The following INPP5B variants were observed in gnomAD, a reference collection of about 807,000 sequenced individuals.
INPP5B encodes the protein inositol polyphosphate-5-phosphatase B, also known as type II inositol 1,4,5-trisphosphate 5-phosphatase.
In INPP5B, 90 loss-of-function variants were observed where a neutral mutation model predicts 118.5. That is an observed-to-expected ratio of 0.76 (90% CI 0.64 to 0.90). The LOEUF (loss-of-function observed/expected upper bound fraction) is 0.90. Among genes scored for constraint, INPP5B ranks in the 40% least tolerant of loss-of-function variants. The pLI, the probability that INPP5B is intolerant of heterozygous loss-of-function variation, is 0.00. For missense variants in INPP5B, 984 were observed against 1,125.6 expected (o/e 0.87, Z 1.80); for synonymous variants, 385 against 418.9 (o/e 0.92, Z 0.99).
intron 7 of INPP5B, among the ~76,000 whole-genome samples, chr1:37,905,825 G>A (rs894277959): frequency 3.3e-5 from 5 of 152,184 alleles, no homozygotes; most frequent in African/African-American, 1.2e-4. Flanking sequence ...GAAGACTAAA[G>A]TAATCTTTTT....
intron 7 of INPP5B, among the ~76,000 whole-genome samples, chr1:37,896,706 C>A (rs1447297402): frequency 7.2e-6 from 1 of 139,550 alleles, no homozygotes; most frequent in Non-Finnish European, 1.6e-5. Context: ...CGGCCAGCCG[C>A]CCCGTCCGGG....
In INPP5B at chr1:37,875,696, C is replaced by T. The variant is rs1326065483; in HGVS notation, c.1698G>A (p.Glu566=). 2.5e-6 allele frequency: 4 copies of T among 1,613,824 alleles called. No homozygotes were observed. The highest frequency in any genetic ancestry group is 3.4e-6 in the Non-Finnish European group (4 of 1,179,814). ...TTTCCTCCAGTGTCTTCCGGTAAAGCTCGTCATTTACGACCCTCACCTGAA... is the reference window on the plus strand; with the variant it reads ...TTTCCTCCAGTGTCTTCCGGTAAAGTTCGTCATTTACGACCCTCACCTGAA... ...FDIGVRVVND[E]LYRKTLEEIV... Residue 566 remains glutamate (E), a synonymous_variant, in exon 17 of 24, where the codon GAG becomes GAA. Coordinates refer to ENST00000373024, the MANE Select transcript of INPP5B (RefSeq NM_005540.3).
intron 7 of INPP5B, among the ~76,000 whole-genome samples, chr1:37,922,995 A>G (rs1212281318): frequency 6.6e-6 from 1 of 152,142 alleles, no homozygotes; most frequent in Non-Finnish European, 1.5e-5. Context: ...TGGTCTGGTG[A>G]TAAAGCTAAA....
chr1:37,926,422 T>C (rs1016406583), intron 7 of INPP5B, among the ~76,000 whole-genome samples: 5 of 152,118 alleles, frequency 3.3e-5, no homozygotes, highest in African/African-American at 1.2e-4. Flanking sequence ...GTAGCTGGGA[T>C]ACAGGCGCAC....
At position 37,934,083 on chromosome 1, in the gene INPP5B, G is replaced by A. The variant is rs972974894; in HGVS notation, c.392-2030C>T. On this transcript the variant is annotated intron_variant, in intron 6 of 23. Coordinates refer to ENST00000373024, the MANE Select transcript of INPP5B (RefSeq NM_005540.3). ...TGAGTAGCTGGGATTACAGGCACACGGCACCACGCCTGGCTAATTTTTGTA... is the reference window on the plus strand; with the variant it reads ...TGAGTAGCTGGGATTACAGGCACACAGCACCACGCCTGGCTAATTTTTGTA... Among the ~76,000 whole-genome samples, 6 of 151,920 alleles carry A rather than the reference G, an allele frequency of 3.9e-5. No homozygotes were observed. In the East Asian group the frequency reaches 5.8e-4, roughly 15 times the overall value.
chr1:37,939,665 G>T (rs925518030), intron 6 of INPP5B, among the ~76,000 whole-genome samples: 2 of 151,754 alleles, frequency 1.3e-5, no homozygotes, highest in Non-Finnish European at 2.9e-5. Flanking sequence ...GGATGATCTC[G>T]ATCTCCTGAC....
At chr1:37,931,539 C>T (rs1645458358) in intron 7 of INPP5B, 3 of 1,536,640 alleles carry the variant, frequency 2.0e-6, no homozygotes, top group Non-Finnish European at 2.6e-6. Flanking sequence ...TCCCAGCCTC[C>T]AGAGGGCCAC....
intron 13 of INPP5B, chr1:37,883,530 T>TC: frequency 2.0e-6 from 2 of 985,408 alleles, no homozygotes; most frequent in Non-Finnish European, 2.4e-6. Context: ...ACTGTACATC[T>TC]CATTAAGTCT....
Position 37,909,748 on chromosome 1 carries a change from C to T in INPP5B, c.533-18294G>A, listed in dbSNP as rs1181469330. 2.0e-5 allele frequency among the ~76,000 whole-genome samples: 3 copies of T among 152,144 alleles called. No homozygotes were observed. In the East Asian group the frequency reaches 5.8e-4, roughly 29 times the overall value. ...AAAATTAGATTCTGGCCTTCAACCC[C>T]CCAACAGTACTTAATTGACCTCACC... is the stretch of plus-strand genomic sequence containing the variant. On this transcript the variant is annotated intron_variant, in intron 7 of 23. Coordinates refer to ENST00000373024, the MANE Select transcript of INPP5B (RefSeq NM_005540.3).
intron 7 of INPP5B, among the ~76,000 whole-genome samples, chr1:37,917,388 A>T (rs1293118168): frequency 1.5e-5 from 2 of 137,572 alleles, no homozygotes; most frequent in Non-Finnish European, 3.1e-5. Flanking sequence ...CAGTAGCGCG[A>T]TCTCGGCTCA....
At chr1:37,904,060 C>T (rs572643110) in intron 7 of INPP5B, among the ~76,000 whole-genome samples, 2 of 152,180 alleles carry the variant, frequency 1.3e-5, no homozygotes, top group African/African-American at 4.8e-5. Context: ...GGCATGGTGG[C>T]TCATGCCTGT....
chr1:37,896,411 G>T (rs1181194969), intron 7 of INPP5B, among the ~76,000 whole-genome samples: 2 of 151,294 alleles, frequency 1.3e-5, no homozygotes, highest in African/African-American at 2.4e-5. Context: ...CACCTCGTCC[G>T]GGAGGGAGGT....
At chr1:37,894,980 A>G (rs188591957) in intron 7 of INPP5B, among the ~76,000 whole-genome samples, 57 of 152,376 alleles carry the variant, frequency 3.7e-4, no homozygotes, top group African/African-American at 1.3e-3. Flanking sequence ...GGTTATGTCT[A>G]GAGTTCTACT....
chr1:37,895,942 G>A (rs1280405095), intron 7 of INPP5B, among the ~76,000 whole-genome samples: 1 of 152,214 alleles, frequency 6.6e-6, no homozygotes, highest in Non-Finnish European at 1.5e-5. Flanking sequence ...CACCCCGTCT[G>A]GGAAGTGAGG....
Position 37,889,625 on chromosome 1 carries a change from C to T in INPP5B, c.729G>A (p.Leu243=). The change falls in exon 9 of 24, where the codon CTG becomes CTA. Residue 243 remains leucine (L), a synonymous_variant. Transcript: ENST00000373024. Reference sequence around the variant, plus strand: ...GATGTGATTTCACAATTGTATCTCGCAGTCCAAACTTCTGCATGGATAAAA... The same window carrying T: ...GATGTGATTTCACAATTGTATCTCGTAGTCCAAACTTCTGCATGGATAAAA... ...AHILSMQKFG[L]RDTIVKSHLL... 6.2e-7 allele frequency: 1 copy of T among 1,613,900 alleles called. No individual in the cohort carries two copies. Among genetic ancestry groups the T allele is most frequent in the Non-Finnish European group, 8.5e-7 (1 of 1,179,786 alleles).
intron 6 of INPP5B, among the ~76,000 whole-genome samples, chr1:37,938,327 T>A (rs932089264): frequency 9.3e-5 from 14 of 150,918 alleles, no homozygotes; most frequent in Non-Finnish European, 1.5e-4. Context: ...ATTTAAAAAA[T>A]TTTTTTAAAA....
chr1:37,887,203 G>A, intron 11 of INPP5B, 148 bp downstream of exon 11: 1 of 719,952 alleles, frequency 1.4e-6, no homozygotes, highest in Middle Eastern at 2.5e-4. Context: ...TTCCCACCCG[G>A]AGGCACCCCT....
At chr1:37,881,871 G>A (rs891431256) in intron 14 of INPP5B, among the ~76,000 whole-genome samples, 2 of 152,168 alleles carry the variant, frequency 1.3e-5, no homozygotes, top group African/African-American at 4.8e-5. Context: ...AGGCTGAGGT[G>A]GATGGATCAC....
At chr1:37,934,893 CT>C (rs138547948) in intron 6 of INPP5B, among the ~76,000 whole-genome samples, 40 of 148,238 alleles carry the variant, frequency 2.7e-4, no homozygotes, top group Admixed American at 4.0e-4. Context: ...AGGCGGTGTT[CT>C]TTTTTTTTTT....
Sources: allele counts gnomAD v4.1 joint callset (sites outside exome capture counted in the v4.1 genomes callset), GRCh38; gene constraint gnomAD v4.1.1; transcripts MANE v1.5; gene names NCBI Gene and HGNC (gene_info 2026-07-23, HGNC 2026-07-21).